Variants in SPTAN1 observed in about 807,000 individuals in gnomAD.
SPTAN1 encodes the protein spectrin alpha, non-erythrocytic 1.
A neutral mutation model predicts 331.3 loss-of-function variants in SPTAN1; 61 were observed. The observed-to-expected ratio is 0.18, with a 90% CI of 0.15 to 0.23. The LOEUF (loss-of-function observed/expected upper bound fraction) is 0.23. Ranked by LOEUF, SPTAN1 falls within the 10% of genes least tolerant of loss-of-function variation. The pLI, the probability that SPTAN1 is intolerant of heterozygous loss-of-function variation, is 1.00. For synonymous variants in SPTAN1, 1,153 were observed against 1,173.9 expected, an observed-to-expected ratio of 0.98 and a Z score of 0.36; for missense variants, 2,043 against 3,147.9, an observed-to-expected ratio of 0.65 and a Z score of 8.40.
At position 128,605,118 on chromosome 9, in the gene SPTAN1, C is replaced by T. The variant is rs373988544; in HGVS notation, c.3804C>T (p.Val1268=). The T allele has an allele frequency of 1.2e-6, 2 of 1,613,662 alleles. No homozygotes were observed. Among genetic ancestry groups the T allele is most frequent in the African/African-American group, 1.3e-5 (1 of 74,752 alleles). The change falls in exon 30 of 57, where the codon GTC becomes GTT. Residue 1268 remains valine, a synonymous_variant. Transcript: ENST00000372739. ...ATTATGGACATGATCTCGCCAGTGTCCAGGCCCTGCAACGCAAGCATGAGG... is the reference window on the plus strand; with the variant it reads ...ATTATGGACATGATCTCGCCAGTGTTCAGGCCCTGCAACGCAAGCATGAGG... ...TDNYGHDLAS[V]QALQRKHEGF... is the part of the protein sequence containing the mutation.
chr9:128,630,163 TG>T, intron 51 of SPTAN1, 157 bp from the exon 52 acceptor site: 2 of 820,162 alleles, frequency 2.4e-6, no homozygotes, highest in Non-Finnish European at 4.3e-6. Flanking sequence ...CCTCGATCCC[TG>T]GGGCCCATTA....
chr9:128,566,946 A>G lies in SPTAN1; in HGVS notation c.206A>G (p.Asp69Gly). Residue 69 changes from aspartate (D) to glycine (G), a missense_variant, in exon 2 of 57, where the codon GAT (aspartate) becomes GGT (glycine). Transcript: ENST00000372739. The part of the protein sequence containing the change: ...WIQEKLQIAS[D>G]ENYKDPTNLQ... ...CAGGAAAAACTTCAGATTGCATCTG[A>G]TGAGAATTATAAAGACCCAACCAAC... The G allele has an allele frequency of 6.2e-7, 1 of 1,614,196 alleles. No homozygotes were observed. The highest frequency in any genetic ancestry group is 8.5e-7 in the Non-Finnish European group (1 of 1,180,050).
intron 41 of SPTAN1, among the ~76,000 whole-genome samples, chr9:128,617,272 A>G (rs1857289165): frequency 6.6e-6 from 1 of 151,980 alleles, no homozygotes; most frequent in Non-Finnish European, 1.5e-5. Flanking sequence ...ATGTATATAT[A>G]TAAATATCTT....
intron 27 of SPTAN1, 30 bp from the exon 28 acceptor site, chr9:128,603,513 G>C: frequency 6.2e-7 from 1 of 1,614,068 alleles, no homozygotes; most frequent in Non-Finnish European, 8.5e-7. Context: ...CACTTGATTA[G>C]TTTTGCCTTC....
In SPTAN1 at chr9:128,588,995, A is replaced by G. The variant is rs1337365840; in HGVS notation, c.3006+52A>G. Reference sequence around the variant, plus strand: ...TTGTTCCACGCTGGCACCTCCACGTATGCTCAGTTGGGTTTCTGTGGGTTG... The same window carrying G: ...TTGTTCCACGCTGGCACCTCCACGTGTGCTCAGTTGGGTTTCTGTGGGTTG... On this transcript the variant is annotated intron_variant, in intron 21 of 56. Transcript: ENST00000372739. 7 of 1,606,658 alleles carry G rather than the reference A, an allele frequency of 4.4e-6. No individual in the cohort carries two copies. The Admixed American group carries it at 8.5e-5, about 19-fold the overall frequency.
chr9:128,615,554 G>C, intron 40 of SPTAN1, 78 bp from the exon 41 acceptor site: 1 of 1,463,268 alleles, frequency 6.8e-7, no homozygotes, highest in South Asian at 1.2e-5. Context: ...ATCTCAGTAA[G>C]GAATTCCTGA....
chr9:128,588,772 T>A, intron 20 of SPTAN1, 37 bp from the exon 21 acceptor site: 1 of 1,613,008 alleles, frequency 6.2e-7, no homozygotes, highest in Non-Finnish European at 8.5e-7. Context: ...AGCGCGGACG[T>A]GTTTTTACCA....
chr9:128,614,363 G>A (rs1028085659), intron 40 of SPTAN1, among the ~76,000 whole-genome samples: 2 of 152,024 alleles, frequency 1.3e-5, no homozygotes, highest in East Asian at 1.9e-4. Flanking sequence ...AGGCCGAGGC[G>A]GGTGGATCGC....
At chr9:128,599,560 G>T (rs1854783752) in intron 26 of SPTAN1, 1 of 174,076 alleles carries the variant, frequency 5.7e-6, no homozygotes. Flanking sequence ...CAGACTGGAG[G>T]TCAGTGGCTT....
rs1859331705 is a variant in SPTAN1, at chr9:128,629,512, TG to T, written c.6708-806del. 1 of 248,060 alleles carries T rather than the reference TG, an allele frequency of 4.0e-6. No homozygotes were observed. Among genetic ancestry groups the T allele is most frequent in the Non-Finnish European group, 7.7e-6 (1 of 130,282 alleles). 15.4% of individuals were successfully genotyped at this position (248,060 alleles called of 1,614,324 possible). ...TTAAAAGGGTAGGTTGGGGTGAATGTGGGTACAGGGGAGCCTGGGCTAAAAC... is the reference window on the plus strand; with the variant it reads ...TTAAAAGGGTAGGTTGGGGTGAATGTGGTACAGGGGAGCCTGGGCTAAAAC... On this transcript the variant is annotated intron_variant, in intron 51 of 56. Transcript: ENST00000372739. This position sits in a 1 kb window ranked among gnomAD's most constrained non-coding sequence, Gnocchi z 4.9.
At chr9:128,584,927 A>G in intron 18 of SPTAN1, 84 bp downstream of exon 18, 2 of 1,552,960 alleles carry the variant, frequency 1.3e-6, no homozygotes, top group African/African-American at 1.4e-5. Context: ...CGTGGGCATC[A>G]CAAACCAGGC....
At chr9:128,588,708 G>T in intron 20 of SPTAN1, 101 bp from the exon 21 acceptor site, 1 of 1,498,976 alleles carries the variant, frequency 6.7e-7, no homozygotes, top group South Asian at 1.1e-5. Context: ...GTGTATATTT[G>T]GTACATTTGG....
In SPTAN1 at chr9:128,604,436, G is replaced by A; in HGVS notation, c.3719+19G>A. On this transcript the variant is annotated intron_variant, in intron 29 of 56. Coordinates refer to ENST00000372739, the MANE Select transcript of SPTAN1 (RefSeq NM_001130438.3). ...TCCACAGGTGAGGGGTCAGCCCTGG[G>A]CTGGGAGAGGGAGAAACAGGTGACT... is the stretch of plus-strand genomic sequence containing the variant. 6.2e-7 allele frequency: 1 copy of A among 1,606,576 alleles called. No individual in the cohort carries two copies. Among genetic ancestry groups the A allele is most frequent in the Non-Finnish European group, 8.5e-7 (1 of 1,176,408 alleles).
At position 128,632,472 on chromosome 9, in the gene SPTAN1, G is replaced by A; in HGVS notation, c.7001G>A (p.Ser2334Asn). The A allele has an allele frequency of 1.9e-6, 3 of 1,614,198 alleles. No homozygotes were observed. The highest frequency in any genetic ancestry group is 2.5e-6 in the Non-Finnish European group (3 of 1,180,032). Residue 2334 changes from serine to asparagine, a missense_variant, in exon 54 of 57, where the codon AGC (serine) becomes AAC (asparagine). Ser to Asn is a conservative substitution (Grantham distance 46). Around this residue, in one of 12 missense-constraint regions of SPTAN1, gnomAD observed 58 missense variants for 74.0 expected, o/e 0.78. Coordinates refer to ENST00000372739, the MANE Select transcript of SPTAN1 (RefSeq NM_001130438.3). ...ACTGAGGAGGCCCTCAAAGAATTCAGCATGATGTTTAAGTGAGTTCAGCCT... is the reference window on the plus strand; with the variant it reads ...ACTGAGGAGGCCCTCAAAGAATTCAACATGATGTTTAAGTGAGTTCAGCCT... ...GVTEEALKEF[S>N]MMFKHFDKDK...
Position 128,632,798 on chromosome 9 carries a change from C to T in SPTAN1, c.7161-10C>T. ...CTCCCTGCTCAGGCTCTTGCTTCCC[C>T]CGCTCCTAGAGATGGCCATGTCTCC... On this transcript the variant is annotated splice_polypyrimidine_tract_variant and intron_variant, in intron 55 of 56. Transcript: ENST00000372739. The T allele has an allele frequency of 6.2e-7, 1 of 1,614,100 alleles. No homozygotes were observed. The highest frequency in any genetic ancestry group is 1.6e-4 in the Middle Eastern group (1 of 6,062).
At chr9:128,592,274 GTTCT>G (rs1380574109) in intron 22 of SPTAN1, among the ~76,000 whole-genome samples, 1 of 80,328 alleles carries the variant, frequency 1.2e-5, no homozygotes, top group African/African-American at 3.6e-5. Flanking sequence ...TTTGGTTTGT[GTTCT>G]TTTTTTTTTT....
chr9:128,632,108 G>A lies in SPTAN1; in HGVS notation c.6763-19G>A, dbSNP rs749286316. 6.2e-7 allele frequency: 1 copy of A among 1,611,990 alleles called. No homozygotes were observed. The highest frequency in any genetic ancestry group is 1.1e-5 in the South Asian group (1 of 90,826). ...GCTGAGGGCCCCCGTCTGAGCATCT[G>A]TGCTCCCCACCCCTGCAGCGCAAGC... On this transcript the variant is annotated intron_variant, in intron 52 of 56. Transcript: ENST00000372739.
rs750746952 is a variant in SPTAN1, at chr9:128,624,461, A to G, written c.5966A>G (p.Lys1989Arg). ...ENSAFLQFNW[K>R]ADVVESWIGE... ...TCGGCCTTCCTTCAGTTCAACTGGA[A>G]GGCGGACGTGGTGGAGTCCTGGATC... The change falls in exon 46 of 57, where the codon AAG becomes AGG. Residue 1989 changes from lysine to arginine, a missense_variant. This residue lies in a region of SPTAN1 where 323 missense variants were observed against 581.1 expected (regional missense o/e 0.56). Transcript: ENST00000372739. 1 of 1,613,684 alleles carries G rather than the reference A, an allele frequency of 6.2e-7. No individual in the cohort carries two copies. The highest frequency in any genetic ancestry group is 2.2e-5 in the East Asian group (1 of 44,886).
chr9:128,554,330 T>A (rs1456061756), intron 1 of SPTAN1, among the ~76,000 whole-genome samples: 1 of 152,166 alleles, frequency 6.6e-6, no homozygotes, highest in South Asian at 2.1e-4. Context: ...CTTGGCAGTG[T>A]GTTTTGTAGT....
Sources: allele counts gnomAD v4.1 joint callset (sites outside exome capture counted in the v4.1 genomes callset), GRCh38; gene constraint gnomAD v4.1.1; regional missense constraint gnomAD v4.1.1; non-coding constraint Gnocchi (gnomAD v3.1); transcripts MANE v1.5; gene names NCBI Gene and HGNC (gene_info 2026-07-23, HGNC 2026-07-21).